Variants in ZFYVE9 observed in about 807,000 individuals in gnomAD.
ZFYVE9 encodes the protein zinc finger FYVE domain-containing protein 9.
Under a neutral mutation model 126.7 loss-of-function variants are expected in ZFYVE9, and 43 were observed. The observed-to-expected ratio is 0.34, with a 90% CI of 0.27 to 0.44. ZFYVE9 has a LOEUF of 0.44. Among genes scored for constraint, ZFYVE9 ranks in the 20% least tolerant of loss-of-function variants. The pLI is 1.00. For missense variants in ZFYVE9, 1,476 were observed against 1,697.0 expected (o/e 0.87, Z 2.29); for synonymous variants, 521 against 597.4 (o/e 0.87, Z 1.87).
At chr1:52,188,001 G>A (rs1644780339) in intron 1 of ZFYVE9, among the ~76,000 whole-genome samples, 1 of 152,282 alleles carries the variant, frequency 6.6e-6, no homozygotes, top group Non-Finnish European at 1.5e-5. Context: ...AATATAAATT[G>A]TTCTAGCATA....
At chr1:52,273,605 C>T (rs1167885063) in intron 7 of ZFYVE9, among the ~76,000 whole-genome samples, 3 of 151,932 alleles carry the variant, frequency 2.0e-5, no homozygotes, top group Non-Finnish European at 2.9e-5. Flanking sequence ...CCGAGGTTGG[C>T]GGATCACAAG....
At chr1:52,224,941 C>T (rs1342249504) in intron 2 of ZFYVE9, among the ~76,000 whole-genome samples, 3 of 152,238 alleles carry the variant, frequency 2.0e-5, no homozygotes, top group African/African-American at 2.4e-5. Context: ...CTGCTTCCCT[C>T]GTGAGAATTT....
chr1:52,346,393 C>T lies in ZFYVE9; in HGVS notation c.*172C>T, dbSNP rs1349879628. On this transcript the variant is annotated 3_prime_UTR_variant, in exon 19 of 19. Coordinates refer to ENST00000287727, the MANE Select transcript of ZFYVE9 (RefSeq NM_004799.4). ...GGGTGGGAAAGGGTGGTTGGGGGGA[C>T]CGATGTTCCATAATTCTAAGTCTTC... 1 of 662,652 alleles carries T rather than the reference C, an allele frequency of 1.5e-6. No homozygotes were observed. The highest frequency in any genetic ancestry group is 1.8e-5 in the African/African-American group (1 of 55,002). 41.0% of individuals were successfully genotyped at this position (662,652 alleles called of 1,614,324 possible).
rs1411029745 is a variant in ZFYVE9 at position 52,266,796 on chromosome 1, T to C, written c.2420T>C (p.Val807Ala). 1 of 1,608,354 alleles carries C rather than the reference T, an allele frequency of 6.2e-7. No individual in the cohort carries two copies. The highest frequency in any genetic ancestry group is 8.5e-7 in the Non-Finnish European group (1 of 1,177,752). Residue 807 changes from valine to alanine, a missense_variant, in exon 6 of 19, where the codon GTA becomes GCA. Physicochemically the swap from Val to Ala is moderately conservative, Grantham distance 64. Transcript: ENST00000287727. Reference sequence around the variant, plus strand: ...AGCTCTCCACCTCCCACTGTGATGGTACCTGTGGGAGTTTTAAAGCACCCT... The same window carrying C: ...AGCTCTCCACCTCCCACTGTGATGGCACCTGTGGGAGTTTTAAAGCACCCT... ...ALSSPPPTVMVPVGVLKHPGA... is the reference protein window; with the variant it reads ...ALSSPPPTVMAPVGVLKHPGA...
chr1:52,246,336 G>A (rs1645383399), intron 4 of ZFYVE9, among the ~76,000 whole-genome samples: 1 of 152,150 alleles, frequency 6.6e-6, no homozygotes, highest in Non-Finnish European at 1.5e-5. Flanking sequence ...GAATAGTTAT[G>A]TGTTAAATTA....
intron 10 of ZFYVE9, among the ~76,000 whole-genome samples, chr1:52,289,302 T>G (rs7541658): frequency 0.054 from 8,175 of 152,252 alleles, 234 homozygotes; most frequent in South Asian, 0.075. Context: ...CACCTCTACC[T>G]CTAAGCTTCA....
chr1:52,179,405 C>T (rs113814245), intron 1 of ZFYVE9, among the ~76,000 whole-genome samples: 5,571 of 152,144 alleles, frequency 0.037, 243 homozygotes, highest in African/African-American at 0.11. Flanking sequence ...GAGGCTGAGG[C>T]GGGCGGATTG....
chr1:52,184,767 A>G (rs773883264), intron 1 of ZFYVE9, among the ~76,000 whole-genome samples: 11 of 152,130 alleles, frequency 7.2e-5, no homozygotes, highest in Non-Finnish European at 1.5e-5. Context: ...GCGGTGACCT[A>G]TAATCCCAGA....
intron 1 of ZFYVE9, among the ~76,000 whole-genome samples, chr1:52,182,964 T>C (rs1325105616): frequency 1.3e-5 from 2 of 152,104 alleles, no homozygotes; most frequent in African/African-American, 4.8e-5. Context: ...TTAAAAAAAA[T>C]AAGGTGTCTA....
At chr1:52,277,410 A>G (rs1201800818) in intron 8 of ZFYVE9, among the ~76,000 whole-genome samples, 1 of 152,154 alleles carries the variant, frequency 6.6e-6, no homozygotes, top group Non-Finnish European at 1.5e-5. Flanking sequence ...AACTTCTCCT[A>G]CCAAGAAAGA....
At chr1:52,297,019 C>A (rs1645982382) in intron 12 of ZFYVE9, among the ~76,000 whole-genome samples, 1 of 152,076 alleles carries the variant, frequency 6.6e-6, no homozygotes. Context: ...GTTGGCCAGA[C>A]TGATCTCAAA....
chr1:52,309,212 C>T (rs575209704), intron 13 of ZFYVE9, among the ~76,000 whole-genome samples: 27 of 152,292 alleles, frequency 1.8e-4, no homozygotes, highest in African/African-American at 6.3e-4. Flanking sequence ...CATGGTGACT[C>T]ACGCTTGTAA....
intron 12 of ZFYVE9, among the ~76,000 whole-genome samples, chr1:52,302,966 C>T (rs1012915633): frequency 8.6e-5 from 13 of 151,448 alleles, no homozygotes; most frequent in Non-Finnish European, 1.0e-4. Context: ...AAAAATTAGC[C>T]GAGCATGGTG....
At chr1:52,231,001 T>C (rs1645215721) in intron 2 of ZFYVE9, among the ~76,000 whole-genome samples, 1 of 152,226 alleles carries the variant, frequency 6.6e-6, no homozygotes, top group African/African-American at 2.4e-5. Flanking sequence ...TAGGTAAATA[T>C]GTTAATCTGA....
intron 14 of ZFYVE9, among the ~76,000 whole-genome samples, 171 bp downstream of exon 14, chr1:52,333,089 C>T (rs781335858): frequency 8.5e-5 from 13 of 152,056 alleles, no homozygotes; most frequent in Non-Finnish European, 1.8e-4. Flanking sequence ...AGTGGCCAGA[C>T]TCAGAGTTGC....
At chr1:52,252,776 C>T in intron 4 of ZFYVE9, 1 of 427,544 alleles carries the variant, frequency 2.3e-6, no homozygotes, top group Non-Finnish European at 4.8e-6. Flanking sequence ...CTGGCCATGG[C>T]TGGGCTCCCC....
chr1:52,155,333 C>T (rs1644393173), intron 1 of ZFYVE9, among the ~76,000 whole-genome samples: 2 of 148,906 alleles, frequency 1.3e-5, no homozygotes, highest in African/African-American at 5.0e-5. Context: ...CCCCGGGGTT[C>T]ATGCCATTCT....
At chr1:52,251,832 T>G (rs1271151587) in intron 4 of ZFYVE9, among the ~76,000 whole-genome samples, 2 of 152,146 alleles carry the variant, frequency 1.3e-5, no homozygotes, top group Admixed American at 1.3e-4. Flanking sequence ...TTTACTTTGT[T>G]GGGAAGTTTT....
Position 52,275,853 on chromosome 1 carries a change from T to C in ZFYVE9, c.2746+1269T>C, listed in dbSNP as rs190696518. ...CTTATATTGCTTTTACTTAGAAATA[T>C]TTAATGGATTCCCAATGTCTTTAGT... is the stretch of plus-strand genomic sequence containing the variant. On this transcript the variant is annotated intron_variant, in intron 8 of 18. Coordinates refer to ENST00000287727, the MANE Select transcript of ZFYVE9 (RefSeq NM_004799.4). 3.4e-3 allele frequency among the ~76,000 whole-genome samples: 522 copies of C among 152,158 alleles called. 2 individuals are homozygous for C. Among genetic ancestry groups the C allele is most frequent in the Middle Eastern group, 0.01 (3 of 294 alleles).
Sources: gnomAD v4.1 joint callset for allele counts (sites outside exome capture counted in the v4.1 genomes callset) on GRCh38, gnomAD v4.1.1 for gene constraint, MANE v1.5 for transcripts, NCBI Gene and HGNC (gene_info 2026-07-23, HGNC 2026-07-21) for gene names.